The following SF3B1 variants were observed in gnomAD, a reference collection of about 807,000 sequenced individuals.
SF3B1 encodes the protein splicing factor 3b subunit 1, also known as pre-mRNA processing 10.
In SF3B1, 12 loss-of-function variants were observed where a neutral mutation model predicts 153.8. The ratio of observed to expected loss-of-function variants is 0.08; its 90% CI spans 0.05 to 0.13. The LOEUF (loss-of-function observed/expected upper bound fraction) is 0.13. SF3B1 is among the 10% of genes least tolerant of loss of function. The pLI, the probability that SF3B1 is intolerant of heterozygous loss-of-function variation, is 1.00. For missense variants in SF3B1, 513 were observed against 1,606.1 expected, an observed-to-expected ratio of 0.32 and a Z score of 11.63; for synonymous variants, 498 against 525.2, an observed-to-expected ratio of 0.95 and a Z score of 0.71.
intron 9 of SF3B1, among the ~76,000 whole-genome samples, chr2:197,406,682 C>CTA (rs1327314650): frequency 6.6e-6 from 1 of 152,198 alleles, no homozygotes; most frequent in African/African-American, 2.4e-5. Context: ...TTCTGTCTAT[C>CTA]TATACCCACA....
At chr2:197,418,414 G>A (rs2085189555) in intron 5 of SF3B1, 95 bp downstream of exon 5, 2 of 846,710 alleles carry the variant, frequency 2.4e-6, no homozygotes, top group Admixed American at 2.7e-5. Context: ...TATTATTTGT[G>A]CAGCAAATAG....
At position 197,403,695 on chromosome 2, in the gene SF3B1, G is replaced by T; in HGVS notation, c.1609C>A (p.Pro537Thr). The T allele has an allele frequency of 6.3e-7, 1 of 1,598,076 alleles. No homozygotes were observed. Among genetic ancestry groups the T allele is most frequent in the Non-Finnish European group, 8.5e-7 (1 of 1,175,432 alleles). ...TCAAGTGTAGGAGACATCAGCAGAG[G>T]AAGAATCTGATTAAACAAAGGACCA... The part of the protein sequence containing the change: ...GAGPLFNQIL[P>T]LLMSPTLEDQ... The change falls in exon 12 of 25, where the codon CCT (proline) becomes ACT (threonine). Residue 537 changes from proline (P) to threonine (T), a missense_variant. Physicochemically the swap from Pro to Thr is conservative, Grantham distance 38. Coordinates refer to ENST00000335508, the MANE Select transcript of SF3B1 (RefSeq NM_012433.4).
In SF3B1 at chr2:197,398,089, C is replaced by T; in HGVS notation, c.3162G>A (p.Glu1054=). The change falls in exon 22 of 25, where the codon GAG becomes GAA. Residue 1054 remains glutamate, a synonymous_variant. Coordinates refer to ENST00000335508, the MANE Select transcript of SF3B1 (RefSeq NM_012433.4). Reference sequence around the variant, plus strand: ...AAAGCTCAAAGCAAATCCTCATCCACTCTCTTGCAGATACATATTCAGCTC... The same window carrying T: ...AAAGCTCAAAGCAAATCCTCATCCATTCTCTTGCAGATACATATTCAGCTC... ...DRGAEYVSAR[E]WMRICFELLE... 1 of 1,611,550 alleles carries T rather than the reference C, an allele frequency of 6.2e-7. No homozygotes were observed. The highest frequency in any genetic ancestry group is 8.5e-7 in the Non-Finnish European group (1 of 1,177,760).
At chr2:197,434,846 C>T in intron 1 of SF3B1, 126 bp downstream of exon 1, 2 of 1,026,646 alleles carry the variant, frequency 1.9e-6, no homozygotes, top group Non-Finnish European at 3.0e-6. Flanking sequence ...AGGAGACGAC[C>T]CTTGGCCCCG....
At chr2:197,406,016 C>T (rs1223456372) in intron 9 of SF3B1, among the ~76,000 whole-genome samples, 1 of 151,338 alleles carries the variant, frequency 6.6e-6, no homozygotes, top group East Asian at 1.9e-4. Context: ...ATACACACCA[C>T]CTGATCAAAC....
chr2:197,399,355 T>G (rs1439057846), intron 20 of SF3B1, among the ~76,000 whole-genome samples: 1 of 152,234 alleles, frequency 6.6e-6, no homozygotes, highest in East Asian at 1.9e-4. Context: ...TTTTGACTTC[T>G]GCTAGGTTAT....
At chr2:197,418,815 T>C (rs746015656) in intron 4 of SF3B1, 20 of 1,502,266 alleles carry the variant, frequency 1.3e-5, no homozygotes, top group Non-Finnish European at 1.6e-5. Context: ...AATATTTTAA[T>C]GCATATAAAA....
intron 22 of SF3B1, among the ~76,000 whole-genome samples, chr2:197,396,647 CTAAATGTT>C (rs541568406): frequency 1.8e-4 from 27 of 152,126 alleles, no homozygotes; most frequent in Non-Finnish European, 3.2e-4. Context: ...AGAAATTTAA[CTAAATGTT>C]TAAAGTGAGT....
chr2:197,424,265 G>C (rs2085295142), intron 1 of SF3B1, among the ~76,000 whole-genome samples: 2 of 152,130 alleles, frequency 1.3e-5, no homozygotes, highest in African/African-American at 4.8e-5. Context: ...TTGGGAGGAG[G>C]AGGTGGGCGA....
In SF3B1 at chr2:197,408,423, G is replaced by A. The variant is rs2085022441; in HGVS notation, c.1063C>T (p.Pro355Ser). Residue 355 changes from proline to serine, a missense_variant, in exon 8 of 25, where the codon CCT becomes TCT. Coordinates refer to ENST00000335508, the MANE Select transcript of SF3B1 (RefSeq NM_012433.4). ...GGTGTGCCAATTGGTGTCTTTCCAG[G>A]GGTCAGAACTGGAGTGCTTCCACCC... ...QMGGSTPVLT[P>S]GKTPIGTPAM... 1.2e-6 allele frequency: 2 copies of A among 1,614,098 alleles called. No homozygotes were observed. The highest frequency in any genetic ancestry group is 1.7e-6 in the Non-Finnish European group (2 of 1,180,008).
At position 197,400,955 on chromosome 2, in the gene SF3B1, C is replaced by A. The variant is rs1364474893; in HGVS notation, c.2497-19G>T. ...CAACTAACTAAAAAGAACAGAAAAA[C>A]AAAAAACCTTTTAGACTGCTTTTCC... On this transcript the variant is annotated intron_variant, in intron 17 of 24. Transcript: ENST00000335508. This position sits in a 1 kb window ranked among gnomAD's most constrained non-coding sequence, Gnocchi z 5.0. The A allele has an allele frequency of 3.9e-5, 59 of 1,519,838 alleles. No homozygotes were observed. In the Admixed American group the frequency reaches 4.7e-4, roughly 12 times the overall value. The allele number at this position is 1,519,838 out of a possible 1,614,324, so 94.1% of individuals were successfully genotyped here.
intron 6 of SF3B1, among the ~76,000 whole-genome samples, chr2:197,415,829 C>T (rs886677013): frequency 1.3e-5 from 2 of 152,022 alleles, no homozygotes; most frequent in Non-Finnish European, 2.9e-5. Flanking sequence ...GAGACAGGGT[C>T]TTACTCTGTC....
At chr2:197,395,374 A>T (rs2564389) in intron 23 of SF3B1, among the ~76,000 whole-genome samples, 107,252 of 152,104 alleles carry the variant, frequency 0.71, 38,488 homozygotes, top group Middle Eastern at 0.86. Flanking sequence ...TGAATAACTT[A>T]AATCTGTACA....
In SF3B1 at chr2:197,420,515, G is replaced by C. The variant is rs1401630281; in HGVS notation, c.328C>G (p.Pro110Ala). The C allele has an allele frequency of 6.2e-7, 1 of 1,613,016 alleles. No homozygotes were observed. The highest frequency in any genetic ancestry group is 1.7e-5 in the Admixed American group (1 of 59,904). The change falls in exon 4 of 25, where the codon CCA (proline) becomes GCA (alanine). Residue 110 changes from proline (P) to alanine (A), a missense_variant. Coordinates refer to ENST00000335508, the MANE Select transcript of SF3B1 (RefSeq NM_012433.4). ...QYDPFAEHRP[P>A]KIADREDEYK... ...TCATCTTCCCGGTCTGCAATCTTTG[G>C]AGGTCTGTGCTCAGCAAATGGATCA...
chr2:197,412,079 C>T (rs1467458762), intron 6 of SF3B1, among the ~76,000 whole-genome samples: 2 of 147,568 alleles, frequency 1.4e-5, no homozygotes, highest in African/African-American at 5.0e-5. Context: ...CACTGCACTC[C>T]AGCCTGGGTG....
At position 197,401,024 on chromosome 2, in the gene SF3B1, A is replaced by C. The variant is rs1448274399; in HGVS notation, c.2497-88T>G. 1.4e-6 allele frequency: 1 copy of C among 736,572 alleles called. No homozygotes were observed. The highest frequency in any genetic ancestry group is 2.2e-6 in the Non-Finnish European group (1 of 446,174). 45.6% of individuals were successfully genotyped at this position (736,572 alleles called of 1,614,324 possible). A position where few individuals can be genotyped will look rare whatever the true frequency, so the allele number is the denominator to read the frequency against. The stretch of plus-strand genomic sequence containing the variant: ...CATGAAAACCAAATACTCTAAATAT[A>C]CTACTTATTTAGCTAATAAACATGG... On this transcript the variant is annotated intron_variant, in intron 17 of 24. Transcript: ENST00000335508. The surrounding 1 kb of genome is among the most constrained non-coding windows in gnomAD (Gnocchi z 4.2).
Position 197,392,320 on chromosome 2 carries a change from G to T in SF3B1, c.3898C>A (p.Leu1300Ile). The stretch of plus-strand genomic sequence containing the variant: ...CAATAAAATTATAAGATATAGTCAA[G>T]TTCATAACGAATATAGGTGTTCTTA... ...DDKNTYIRYE[L>I]DYIL is the part of the protein sequence containing the mutation. The change falls in exon 25 of 25, where the codon CTT becomes ATT. Residue 1300 changes from leucine to isoleucine, a missense_variant. By Grantham distance (5) the Leu-to-Ile change is conservative. Around this residue, in one of 21 missense-constraint regions of SF3B1, gnomAD observed 33 missense variants for 43.5 expected, o/e 0.76. Transcript: ENST00000335508. 1 of 1,200,242 alleles carries T rather than the reference G, an allele frequency of 8.3e-7. No individual in the cohort carries two copies. Among genetic ancestry groups the T allele is most frequent in the Non-Finnish European group, 1.2e-6 (1 of 806,868 alleles). The allele number at this position is 1,200,242 out of a possible 1,614,324, so 74.3% of individuals were successfully genotyped here.
At chr2:197,417,595 A>AAT (rs1553565956) in intron 5 of SF3B1, among the ~76,000 whole-genome samples, 2 of 149,652 alleles carry the variant, frequency 1.3e-5, no homozygotes, top group African/African-American at 2.4e-5. Flanking sequence ...AAAAAAAAAA[A>AAT]GAAATATGAA....
intron 4 of SF3B1, 112 bp downstream of exon 4, chr2:197,420,316 A>AT: frequency 1.3e-6 from 1 of 746,368 alleles, no homozygotes; most frequent in Non-Finnish European, 2.3e-6. Flanking sequence ...AGTAAGGGGG[A>AT]TTTTTAAAAA....
Sources: gnomAD v4.1 joint callset for allele counts (sites outside exome capture counted in the v4.1 genomes callset) on GRCh38, gnomAD v4.1.1 for gene constraint, gnomAD v4.1.1 regional missense constraint, Gnocchi (gnomAD v3.1) non-coding constraint, MANE v1.5 for transcripts, NCBI Gene and HGNC (gene_info 2026-07-23, HGNC 2026-07-21) for gene names.